INSR: variants seen among roughly 807,000 people sequenced by gnomAD.
INSR encodes IR.
INSR carries 67 observed loss-of-function variants against 142.6 expected under a neutral mutation model. The ratio of observed to expected loss-of-function variants is 0.47; its 90% CI spans 0.39 to 0.58. The LOEUF is 0.58. INSR is among the 20% of genes least tolerant of loss of function. INSR has a pLI of 0.00. For missense variants in INSR, 1,248 were observed against 1,833.2 expected (o/e 0.68, Z 5.83); for synonymous variants, 756 against 743.1 (o/e 1.02, Z -0.28).
rs768094319 is a variant in INSR, at chr19:7,258,389, C to T, written c.652+8956G>A. ...TCACCCCACTGCACTCCAGCCCAGGCGACAGAGTGAGACCCCATCTCTAAA... is the reference window on the plus strand; with the variant it reads ...TCACCCCACTGCACTCCAGCCCAGGTGACAGAGTGAGACCCCATCTCTAAA... On this transcript the variant is annotated intron_variant, in intron 2 of 21. Coordinates refer to ENST00000302850, the MANE Select transcript of INSR (RefSeq NM_000208.4). Among the ~76,000 whole-genome samples the T allele has an allele frequency of 2.0e-4, 25 of 124,182 alleles. 3 individuals carry two copies. The highest frequency in any genetic ancestry group is 7.8e-4 in the East Asian group (4 of 5,148). 81.5% of individuals were successfully genotyped at this position (124,182 alleles called of 152,430 possible). A position where few individuals can be genotyped will look rare whatever the true frequency, so the allele number is the denominator to read the frequency against.
chr19:7,185,756 T>A (rs1416894428), intron 2 of INSR, among the ~76,000 whole-genome samples: 23 of 143,942 alleles, frequency 1.6e-4, no homozygotes, highest in Admixed American at 1.5e-3. Context: ...GGCACGAGAA[T>A]CACTTGAATC....
chr19:7,229,866 A>G (rs556443644), intron 2 of INSR, among the ~76,000 whole-genome samples: 1 of 151,074 alleles, frequency 6.6e-6, no homozygotes, highest in African/African-American at 2.4e-5. Flanking sequence ...CCTGGAGTCA[A>G]GTGATGCTCC....
At chr19:7,153,033 C>CACCACACA (rs780092187) in intron 9 of INSR, 106 bp from the exon 10 acceptor site, 1 of 491,214 alleles carries the variant, frequency 2.0e-6, no homozygotes. Context: ...ACACCACACA[C>CACCACACA]ACACACACCA....
At chr19:7,195,677 T>G (rs1974725354) in intron 2 of INSR, among the ~76,000 whole-genome samples, 1 of 147,338 alleles carries the variant, frequency 6.8e-6, no homozygotes, top group Non-Finnish European at 1.5e-5. Context: ...AATAAATAAA[T>G]AAAAGCCAAT....
chr19:7,181,913 C>T (rs1475842713), intron 3 of INSR, among the ~76,000 whole-genome samples: 1 of 151,996 alleles, frequency 6.6e-6, no homozygotes, highest in African/African-American at 2.4e-5. Flanking sequence ...CAGAACTCTG[C>T]TCTGAAAACA....
chr19:7,293,715 G>T (rs1426302580), intron 1 of INSR, 77 bp downstream of exon 1: 2 of 1,201,374 alleles, frequency 1.7e-6, no homozygotes, highest in Non-Finnish European at 2.1e-6. Context: ...TCCACAAGCG[G>T]GGGCTCGATT....
At chr19:7,212,425 T>C (rs1371341434) in intron 2 of INSR, among the ~76,000 whole-genome samples, 1 of 152,110 alleles carries the variant, frequency 6.6e-6, no homozygotes, top group South Asian at 2.1e-4. Context: ...AGCAGACACA[T>C]GTTGAATCGA....
rs1973108206 is a variant in INSR, at chr19:7,142,961, C to T, written c.2397G>A (p.Glu799=). The T allele has an allele frequency of 1.2e-6, 2 of 1,614,084 alleles. No individual in the cohort carries two copies. The highest frequency in any genetic ancestry group is 2.2e-5 in the South Asian group (2 of 91,090). The change falls in exon 12 of 22, where the codon GAG becomes GAA. Residue 799 remains glutamate (E), a synonymous_variant. Transcript: ENST00000302850. ...CCAGCGACTCCTTGTTCACCACCTT[C>T]TCAAAAGGCCTGTGCTCCTCCGGAC... The part of the protein sequence containing the change: ...PTSPEEHRPF[E]KVVNKESLVI...
rs536148829 is a variant in INSR at position 7,243,228 on chromosome 19, G to A, written c.652+24117C>T. ...CTTACGTCACAGCCAGTCACACACTGTTTTGGTTTTTTTTTTTTTTTTTTT... is the reference window on the plus strand; with the variant it reads ...CTTACGTCACAGCCAGTCACACACTATTTTGGTTTTTTTTTTTTTTTTTTT... On this transcript the variant is annotated intron_variant, in intron 2 of 21. Coordinates refer to ENST00000302850, the MANE Select transcript of INSR (RefSeq NM_000208.4). Among the ~76,000 whole-genome samples the A allele has an allele frequency of 1.1e-4, 10 of 93,408 alleles. 1 individual carries two copies. The South Asian group carries it at 3.9e-3, about 36-fold the overall frequency. The allele number at this position is 93,408 out of a possible 152,430, so 61.3% of individuals were successfully genotyped here.
In INSR at chr19:7,225,789, C is replaced by T. The variant is rs374701252; in HGVS notation, c.653-41152G>A. On this transcript the variant is annotated intron_variant, in intron 2 of 21. Transcript: ENST00000302850. This position sits in a 1 kb window ranked among gnomAD's most constrained non-coding sequence, Gnocchi z 4.7. ...TGGTCCAGGGGTCCTCAAATGGAGG[C>T]GATTCTGCCCACCAGGAGACACCTG... 2.0e-5 allele frequency among the ~76,000 whole-genome samples: 3 copies of T among 151,890 alleles called. No homozygotes were observed. Among genetic ancestry groups the T allele is most frequent in the East Asian group, 3.9e-4 (2 of 5,184 alleles).
chr19:7,245,635 G>A (rs1009335410), intron 2 of INSR, among the ~76,000 whole-genome samples: 4 of 151,686 alleles, frequency 2.6e-5, no homozygotes, highest in African/African-American at 7.3e-5. Context: ...TTATAGTAGC[G>A]GGGTTTCACT....
intron 3 of INSR, among the ~76,000 whole-genome samples, chr19:7,182,819 CA>C (rs1346055973): frequency 2.8e-5 from 4 of 143,946 alleles, no homozygotes; most frequent in African/African-American, 1.1e-4. Context: ...GATATTAACC[CA>C]TTTTTTTTAT....
At chr19:7,201,726 G>A (rs1229700816) in intron 2 of INSR, among the ~76,000 whole-genome samples, 3 of 141,534 alleles carry the variant, frequency 2.1e-5, no homozygotes, top group Non-Finnish European at 4.5e-5. Flanking sequence ...GCAGTGGCGC[G>A]ATCTCGGCTC....
In INSR at chr19:7,114,337, T is replaced by G. The variant is rs1972271546; in HGVS notation, c.*2719A>C. On this transcript the variant is annotated 3_prime_UTR_variant, in exon 22 of 22. Coordinates refer to ENST00000302850, the MANE Select transcript of INSR (RefSeq NM_000208.4). ...TCTCTCACCAAAGGAAGGTACACCT[T>G]GCTGGGTTACCCCATATATCAGATA... 1 of 152,246 alleles carries G rather than the reference T, an allele frequency of 6.6e-6. No individual in the cohort carries two copies. The highest frequency in any genetic ancestry group is 1.5e-5 in the Non-Finnish European group (1 of 68,060). The allele number at this position is 152,246 out of a possible 1,614,324, so 9.4% of individuals were successfully genotyped here.
At chr19:7,203,418 C>T (rs1353076090) in intron 2 of INSR, among the ~76,000 whole-genome samples, 3 of 152,038 alleles carry the variant, frequency 2.0e-5, no homozygotes, top group African/African-American at 4.8e-5. Flanking sequence ...AATCTGTAAG[C>T]GGCACAGAGA....
At chr19:7,240,364 C>T (rs1359978886) in intron 2 of INSR, among the ~76,000 whole-genome samples, 1 of 151,706 alleles carries the variant, frequency 6.6e-6, no homozygotes, top group African/African-American at 2.4e-5. Flanking sequence ...AGGTGGATTA[C>T]CTGAAGTCGG....
At chr19:7,215,750 G>T (rs987668585) in intron 2 of INSR, among the ~76,000 whole-genome samples, 6 of 151,632 alleles carry the variant, frequency 4.0e-5, no homozygotes, top group Non-Finnish European at 7.4e-5. Context: ...GTAATTTTTA[G>T]TAGAGACAGG....
At chr19:7,272,573 G>A (rs952216318) in intron 1 of INSR, among the ~76,000 whole-genome samples, 3 of 152,072 alleles carry the variant, frequency 2.0e-5, no homozygotes, top group Non-Finnish European at 4.4e-5. Context: ...AGCTGAGATC[G>A]TGCCTTTGCA....
chr19:7,126,933 G>A (rs1040913491), intron 15 of INSR, among the ~76,000 whole-genome samples: 2 of 151,568 alleles, frequency 1.3e-5, no homozygotes, highest in African/African-American at 4.8e-5. Context: ...TTGCAGTCTT[G>A]CTCTGTTGTG....
Sources: allele counts gnomAD v4.1 joint callset (sites outside exome capture counted in the v4.1 genomes callset), GRCh38; gene constraint gnomAD v4.1.1; non-coding constraint Gnocchi (gnomAD v3.1); transcripts MANE v1.5; gene names NCBI Gene and HGNC (gene_info 2026-07-23, HGNC 2026-07-21).